Variants in OXR1 observed in about 807,000 individuals in gnomAD.
OXR1 encodes the protein oxidation resistance protein 1.
OXR1 carries 41 observed loss-of-function variants against 104.6 expected under a neutral mutation model. That is an observed-to-expected ratio of 0.39 (90% CI 0.31 to 0.51). The LOEUF (loss-of-function observed/expected upper bound fraction) is 0.51. Among genes scored for constraint, OXR1 ranks in the 20% least tolerant of loss-of-function variants. The pLI, the probability that OXR1 is intolerant of heterozygous loss-of-function variation, is 0.77. For synonymous variants in OXR1, 348 were observed against 348.4 expected, an observed-to-expected ratio of 1.00 and a Z score of 0.01; for missense variants, 955 against 1,031.9, an observed-to-expected ratio of 0.93 and a Z score of 1.02.
chr8:106,638,011 C>G (rs371091541), intron 3 of OXR1, among the ~76,000 whole-genome samples: 2 of 151,942 alleles, frequency 1.3e-5, no homozygotes, highest in African/African-American at 4.8e-5. Context: ...GTGATCCACC[C>G]GCCTCGGCCT....
intron 2 of OXR1, among the ~76,000 whole-genome samples, chr8:106,483,901 G>C (rs966889892): frequency 6.6e-6 from 1 of 152,008 alleles, no homozygotes; most frequent in African/African-American, 2.4e-5. Context: ...TAAAATGATT[G>C]AATGTACATT....
At chr8:106,435,634 G>C (rs1365330094) in intron 2 of OXR1, among the ~76,000 whole-genome samples, 1 of 152,136 alleles carries the variant, frequency 6.6e-6, no homozygotes, top group African/African-American at 2.4e-5. Context: ...GATGGGACGG[G>C]GTGACCATCA....
At chr8:106,407,152 A>G (rs1233622722) in intron 2 of OXR1, among the ~76,000 whole-genome samples, 6 of 152,142 alleles carry the variant, frequency 3.9e-5, no homozygotes, top group Admixed American at 3.9e-4. Context: ...GAAACATTTC[A>G]GAATTGTTGA....
chr8:106,739,075 TACACACACACACAC>T (rs71307086), intron 12 of OXR1, among the ~76,000 whole-genome samples: 76 of 141,612 alleles, frequency 5.4e-4, no homozygotes, highest in East Asian at 1.9e-3. Context: ...TTAAATAGCA[TACACACACACACAC>T]ACACACACAC....
intron 2 of OXR1, among the ~76,000 whole-genome samples, chr8:106,396,123 AG>A (rs1213415695): frequency 1.3e-5 from 2 of 152,136 alleles, no homozygotes; most frequent in Non-Finnish European, 2.9e-5. Flanking sequence ...AAATAAATAG[AG>A]GGAGAACAGA....
intron 1 of OXR1, among the ~76,000 whole-genome samples, chr8:106,351,111 G>A (rs1173480707): frequency 1.3e-5 from 2 of 152,108 alleles, no homozygotes; most frequent in South Asian, 4.1e-4. Flanking sequence ...AGTCTAAAAG[G>A]AAAAGAGAGA....
chr8:106,642,572 T>C (rs1204671678), intron 3 of OXR1, among the ~76,000 whole-genome samples: 1 of 152,144 alleles, frequency 6.6e-6, no homozygotes, highest in African/African-American at 2.4e-5. Flanking sequence ...GGCCTGGAAG[T>C]AGCACACACC....
intron 2 of OXR1, among the ~76,000 whole-genome samples, chr8:106,472,013 A>G (rs992772982): frequency 6.6e-6 from 1 of 151,808 alleles, no homozygotes; most frequent in African/African-American, 2.4e-5. Context: ...TAGTTTTTCC[A>G]CTACTGTCTT....
chr8:106,679,340 C>A (rs761691223), intron 4 of OXR1, 48 bp downstream of exon 4: 2 of 952,454 alleles, frequency 2.1e-6, no homozygotes, highest in African/African-American at 1.7e-5. Flanking sequence ...TAAGAGTCTT[C>A]TTTAAGACAT....
chr8:106,274,235 A>G (rs887526195), intron 1 of OXR1, among the ~76,000 whole-genome samples: 1 of 152,208 alleles, frequency 6.6e-6, no homozygotes, highest in Admixed American at 6.5e-5. Flanking sequence ...GTAGCACAAT[A>G]CGTTGCCTAG....
At chr8:106,448,017 A>C (rs1292276851) in intron 2 of OXR1, 6 of 1,535,728 alleles carry the variant, frequency 3.9e-6, no homozygotes, top group Non-Finnish European at 4.4e-6. Flanking sequence ...GCCTGCCTGC[A>C]CAGAAATGAC....
intron 3 of OXR1, among the ~76,000 whole-genome samples, chr8:106,542,162 G>A (rs1235836477): frequency 1.3e-5 from 2 of 152,076 alleles, no homozygotes; most frequent in Non-Finnish European, 2.9e-5. Flanking sequence ...TAATAGGTAG[G>A]CAGATTTTTT....
At chr8:106,353,755 T>G (rs1405328183) in intron 1 of OXR1, among the ~76,000 whole-genome samples, 2 of 152,170 alleles carry the variant, frequency 1.3e-5, no homozygotes, top group African/African-American at 4.8e-5. Context: ...CATTAAAAAA[T>G]CTGCTGTCTT....
At chr8:106,356,727 C>A (rs1815988994) in intron 1 of OXR1, among the ~76,000 whole-genome samples, 1 of 102,798 alleles carries the variant, frequency 9.7e-6, no homozygotes, top group Non-Finnish European at 1.9e-5. Context: ...TTGAAGTTGG[C>A]AAAAATAATA....
rs2131224340 is a variant in OXR1 at position 106,681,448 on chromosome 8, C to G, written c.304-1751C>G. The stretch of plus-strand genomic sequence containing the variant: ...TATATTATTGTTTTACATACACAAA[C>G]AAATGCACACGCACCTGCTTTTCCT... On this transcript the variant is annotated intron_variant, in intron 4 of 16. Coordinates refer to ENST00000517566, the MANE Select transcript of OXR1 (RefSeq NM_001198533.2). Among the ~76,000 whole-genome samples, 3 of 152,306 alleles carry G rather than the reference C, an allele frequency of 2.0e-5. No homozygotes were observed. The South Asian group carries it at 6.2e-4, about 32-fold the overall frequency.
intron 1 of OXR1, among the ~76,000 whole-genome samples, chr8:106,350,478 G>A (rs1431220751): frequency 1.3e-5 from 2 of 152,170 alleles, no homozygotes; most frequent in African/African-American, 4.8e-5. Context: ...ACATGTTGCT[G>A]TGATAAATGC....
At chr8:106,536,179 C>G (rs1226751437) in intron 3 of OXR1, among the ~76,000 whole-genome samples, 1 of 150,854 alleles carries the variant, frequency 6.6e-6, no homozygotes, top group Non-Finnish European at 1.5e-5. Context: ...GAGATCGCGC[C>G]ACTGCACTCC....
chr8:106,740,371 T>C lies in OXR1; in HGVS notation c.2192T>C (p.Ile731Thr), dbSNP rs1384641418. 4 of 1,612,060 alleles carry C rather than the reference T, an allele frequency of 2.5e-6. No individual in the cohort carries two copies. Among genetic ancestry groups the C allele is most frequent in the Admixed American group, 1.7e-5 (1 of 59,708 alleles). The change falls in exon 14 of 17, where the codon ATT becomes ACT. Residue 731 changes from isoleucine (I) to threonine (T), a missense_variant. Coordinates refer to ENST00000517566, the MANE Select transcript of OXR1 (RefSeq NM_001198533.2). ...ACCAAGCATCTTCCACCAAGAACAA[T>C]TGGCTATCCATGGACTCTTGTTTAT... ...KLTKHLPPRT[I>T]GYPWTLVYGT...
chr8:106,519,971 T>C (rs1054850460), intron 3 of OXR1, among the ~76,000 whole-genome samples: 4 of 152,012 alleles, frequency 2.6e-5, no homozygotes, highest in Non-Finnish European at 5.9e-5. Flanking sequence ...AAACATCTAG[T>C]ATATGGGAAA....
Sources: gnomAD v4.1 joint callset for allele counts (sites outside exome capture counted in the v4.1 genomes callset) on GRCh38, gnomAD v4.1.1 for gene constraint, MANE v1.5 for transcripts, NCBI Gene and HGNC (gene_info 2026-07-23, HGNC 2026-07-21) for gene names.